Variants in SMAD9 observed in about 807,000 individuals in gnomAD.
SMAD9 encodes the protein MAD homolog 9.
Under a neutral mutation model 46.1 loss-of-function variants are expected in SMAD9, and 36 were observed. The ratio of observed to expected loss-of-function variants is 0.78; its 90% CI spans 0.60 to 1.03. SMAD9 has a LOEUF of 1.03. SMAD9 is among the 50% of genes least tolerant of loss of function. The probability of loss-of-function intolerance (pLI) is 0.00; values close to 1 mark genes in which losing one functional copy is unlikely to be tolerated. For missense variants in SMAD9, 572 were observed against 599.8 expected (o/e 0.95, Z 0.48); for synonymous variants, 245 against 237.1 (o/e 1.03, Z -0.31).
intron 1 of SMAD9, among the ~76,000 whole-genome samples, chr13:36,913,567 T>C (rs1040281908): frequency 2.6e-5 from 4 of 152,162 alleles, no homozygotes; most frequent in Non-Finnish European, 5.9e-5. Context: ...TAAAATTAGA[T>C]GCAATGACAA....
chr13:36,879,026 T>C (rs947222130), intron 2 of SMAD9, among the ~76,000 whole-genome samples: 4 of 152,234 alleles, frequency 2.6e-5, no homozygotes, highest in African/African-American at 9.6e-5. Context: ...TGCGATTCTC[T>C]TTGGATTGAG....
chr13:36,899,099 T>C (rs781228608), intron 1 of SMAD9, among the ~76,000 whole-genome samples: 2 of 152,024 alleles, frequency 1.3e-5, no homozygotes, highest in Non-Finnish European at 2.9e-5. Flanking sequence ...AAGATAAATG[T>C]ACAAAAACAA....
chr13:36,853,397 C>G, intron 6 of SMAD9, 22 bp downstream of exon 6: 1 of 1,612,566 alleles, frequency 6.2e-7, no homozygotes, highest in Non-Finnish European at 8.5e-7. Context: ...CATTTTATAA[C>G]GTGATAGCAA....
Position 36,867,276 on chromosome 13 carries a change from C to CA in SMAD9, c.777dup (p.Gly260TrpfsTer21). ...TCACTGTTCATCTGCAATTTACCTC[C>CA]ATTTGGTATCGATAGCACTACATGT... On this transcript the variant is annotated frameshift_variant, in exon 4 of 7. Transcript: ENST00000379826. LOFTEE classifies it high-confidence loss of function. The CA allele has an allele frequency of 1.3e-6, 2 of 1,536,026 alleles. No homozygotes were observed. Among genetic ancestry groups the CA allele is most frequent in the Non-Finnish European group, 1.8e-6 (2 of 1,132,750 alleles).
chr13:36,904,193 A>G (rs554836511), intron 1 of SMAD9, among the ~76,000 whole-genome samples: 6 of 152,214 alleles, frequency 3.9e-5, no homozygotes, highest in Admixed American at 1.3e-4. Flanking sequence ...ATTGTTAAGC[A>G]GAGGATGCAA....
chr13:36,906,347 T>G (rs2058619901), intron 1 of SMAD9, among the ~76,000 whole-genome samples: 1 of 152,160 alleles, frequency 6.6e-6, no homozygotes, highest in African/African-American at 2.4e-5. Context: ...TCCACGTAAG[T>G]ATCTTAGATG....
intron 1 of SMAD9, among the ~76,000 whole-genome samples, chr13:36,911,668 GC>G (rs1465365570): frequency 6.8e-6 from 1 of 147,994 alleles, no homozygotes; most frequent in Non-Finnish European, 1.5e-5. Flanking sequence ...TCACAAATAA[GC>G]CGTGTTATGA....
chr13:36,902,384 C>G (rs185573612), intron 1 of SMAD9, among the ~76,000 whole-genome samples: 2 of 152,152 alleles, frequency 1.3e-5, no homozygotes, highest in Admixed American at 6.5e-5. Flanking sequence ...ACATCAATAC[C>G]ACACTATTTT....
intron 5 of SMAD9, among the ~76,000 whole-genome samples, chr13:36,864,158 A>G (rs2058209414): frequency 6.6e-6 from 1 of 152,246 alleles, no homozygotes; most frequent in East Asian, 1.9e-4. Context: ...GCCATGCTCA[A>G]GAAACTTGTT....
intron 1 of SMAD9, among the ~76,000 whole-genome samples, chr13:36,906,948 A>G (rs1217348211): frequency 6.6e-6 from 1 of 152,256 alleles, no homozygotes; most frequent in African/African-American, 2.4e-5. Flanking sequence ...CAATGTTCAT[A>G]GCATTATTTA....
chr13:36,902,456 C>T (rs190301417), intron 1 of SMAD9, among the ~76,000 whole-genome samples: 1,589 of 151,222 alleles, frequency 0.011, 10 homozygotes, highest in Non-Finnish European at 0.016. Context: ...CAACTTTGTT[C>T]TTCTTTTTTT....
Position 36,855,271 on chromosome 13 carries a change from A to G in SMAD9, c.1004-1596T>C, listed in dbSNP as rs866790521. Among the ~76,000 whole-genome samples, 30 of 151,600 alleles carry G rather than the reference A, an allele frequency of 2.0e-4. 1 individual carries two copies. The highest frequency in any genetic ancestry group is 3.6e-4 in the African/African-American group (15 of 41,448). The stretch of plus-strand genomic sequence containing the variant: ...CATCTCAAAAAAAAAAAAAAAAAAA[A>G]AAAAGAAAAGCATCCTGAGAATGTT... On this transcript the variant is annotated intron_variant, in intron 5 of 6. Transcript: ENST00000379826.
chr13:36,889,676 T>G (rs1006351522), intron 1 of SMAD9, among the ~76,000 whole-genome samples: 1 of 152,216 alleles, frequency 6.6e-6, no homozygotes, highest in Non-Finnish European at 1.5e-5. Context: ...TTTGTAACTC[T>G]TAATGTGTTT....
At position 36,847,473 on chromosome 13, in the gene SMAD9, G is replaced by A. The variant is rs1212798339; in HGVS notation, c.*1203C>T. The A allele has an allele frequency of 2.6e-5, 4 of 152,158 alleles. No individual in the cohort carries two copies. The highest frequency in any genetic ancestry group is 6.5e-5 in the Admixed American group (1 of 15,272). The allele number at this position is 152,158 out of a possible 1,614,324, so 9.4% of individuals were successfully genotyped here. A position where few individuals can be genotyped will look rare whatever the true frequency, so the allele number is the denominator to read the frequency against. Reference sequence around the variant, plus strand: ...AATATTGTGTATATTTTTAAAAGATGTCTTATTATTCAGTACCACTGTTCC... The same window carrying A: ...AATATTGTGTATATTTTTAAAAGATATCTTATTATTCAGTACCACTGTTCC... On this transcript the variant is annotated 3_prime_UTR_variant, in exon 7 of 7. Coordinates refer to ENST00000379826, the MANE Select transcript of SMAD9 (RefSeq NM_001127217.3).
intron 1 of SMAD9, among the ~76,000 whole-genome samples, chr13:36,893,448 A>G (rs924786855): frequency 2.0e-5 from 3 of 148,018 alleles, no homozygotes; most frequent in African/African-American, 7.3e-5. Flanking sequence ...ATAAATATAT[A>G]TATATATACA....
At chr13:36,860,117 T>C (rs930095675) in intron 5 of SMAD9, among the ~76,000 whole-genome samples, 1 of 152,200 alleles carries the variant, frequency 6.6e-6, no homozygotes, top group Non-Finnish European at 1.5e-5. Context: ...CTTAAATTCT[T>C]TCTTGTGAGA....
At chr13:36,897,019 T>G (rs959497616) in intron 1 of SMAD9, among the ~76,000 whole-genome samples, 2 of 151,652 alleles carry the variant, frequency 1.3e-5, no homozygotes, top group Non-Finnish European at 2.9e-5. Flanking sequence ...GTAGATTTTA[T>G]GAGCTGGTTT....
intron 2 of SMAD9, among the ~76,000 whole-genome samples, chr13:36,878,081 T>G (rs1272324934): frequency 6.6e-6 from 1 of 152,144 alleles, no homozygotes; most frequent in Non-Finnish European, 1.5e-5. Flanking sequence ...AACCCTGTTA[T>G]AGCCAGTGTG....
At position 36,845,147 on chromosome 13, in the gene SMAD9, T is replaced by C. The variant is rs1216957854; in HGVS notation, c.*3529A>G. On this transcript the variant is annotated 3_prime_UTR_variant, in exon 7 of 7. Transcript: ENST00000379826. Reference sequence around the variant, plus strand: ...ATATATATATATACACACTAAATATTTGGGACACAAAGTTAAGCAGGTGCT... The same window carrying C: ...ATATATATATATACACACTAAATATCTGGGACACAAAGTTAAGCAGGTGCT... 2 of 151,784 alleles carry C rather than the reference T, an allele frequency of 1.3e-5. No individual in the cohort carries two copies. Among genetic ancestry groups the C allele is most frequent in the Non-Finnish European group, 2.9e-5 (2 of 67,964 alleles). 9.4% of individuals were successfully genotyped at this position (151,784 alleles called of 1,614,324 possible). A position where few individuals can be genotyped will look rare whatever the true frequency, so the allele number is the denominator to read the frequency against.
Sources: gnomAD v4.1 joint callset for allele counts (sites outside exome capture counted in the v4.1 genomes callset) on GRCh38, gnomAD v4.1.1 for gene constraint, MANE v1.5 for transcripts, NCBI Gene and HGNC (gene_info 2026-07-23, HGNC 2026-07-21) for gene names.